Variants in TCF20 observed in about 807,000 individuals in gnomAD.
The protein encoded by TCF20 is transcription factor 20, also known as SPRE-binding protein.
TCF20 carries 3 observed loss-of-function variants against 148.6 expected under a neutral mutation model. That is an observed-to-expected ratio of 0.02 (90% confidence interval 0.01 to 0.05). TCF20 has a LOEUF of 0.05. Among genes scored for constraint, TCF20 ranks in the 10% least tolerant of loss-of-function variants. The pLI is 1.00. For synonymous variants in TCF20, 1,049 were observed against 909.5 expected (o/e 1.15, Z -2.76); for missense variants, 2,350 against 2,429.3 (o/e 0.97, Z 0.69).
chr22:42,282,856 C>G (rs86668), intron 1 of TCF20, among the ~76,000 whole-genome samples: 103,642 of 152,038 alleles, frequency 0.68, 35,756 homozygotes, highest in Non-Finnish European at 0.74. Context: ...AAAATAAATG[C>G]AAGAAGCACA....
chr22:42,173,718 T>A (rs548101935), intron 3 of TCF20, among the ~76,000 whole-genome samples: 1 of 152,210 alleles, frequency 6.6e-6, no homozygotes, highest in South Asian at 2.1e-4. Flanking sequence ...TGCAGGCCTC[T>A]GGGTCACTGT....
At chr22:42,277,328 G>A (rs1394120121) in intron 1 of TCF20, among the ~76,000 whole-genome samples, 1 of 152,208 alleles carries the variant, frequency 6.6e-6, no homozygotes, top group Admixed American at 6.5e-5. Context: ...AGTTTATGGT[G>A]CCATGGAGCT....
intron 2 of TCF20, among the ~76,000 whole-genome samples, chr22:42,181,801 AG>A (rs1936788905): frequency 6.6e-6 from 1 of 152,124 alleles, no homozygotes; most frequent in Non-Finnish European, 1.5e-5. Context: ...TTGTAGAGAC[AG>A]GGTCTCACTA....
intron 1 of TCF20, among the ~76,000 whole-genome samples, chr22:42,328,613 C>A (rs1927915584): frequency 6.6e-6 from 1 of 152,234 alleles, no homozygotes; most frequent in Non-Finnish European, 1.5e-5. Context: ...CTCCCACTCA[C>A]CCACGCCCTG....
intron 2 of TCF20, among the ~76,000 whole-genome samples, chr22:42,193,900 G>T (rs1937467151): frequency 6.6e-6 from 1 of 152,162 alleles, no homozygotes; most frequent in African/African-American, 2.4e-5. Context: ...TCTGGGCAGT[G>T]TGGTGGTCGT....
intron 1 of TCF20, among the ~76,000 whole-genome samples, chr22:42,260,158 C>A (rs1159328656): frequency 6.6e-6 from 1 of 151,968 alleles, no homozygotes; most frequent in African/African-American, 2.4e-5. Context: ...GCAGAGTGTT[C>A]CAGACACAGG....
Position 42,160,667 on chromosome 22 carries a change from T to C in TCF20, c.*736A>G, listed in dbSNP as rs1176052470. ...AAAAAAAAAAACCATAAATAAATAG[T>C]GTTTCTGGAAATGAAAAAAAATTTA... On this transcript the variant is annotated 3_prime_UTR_variant, in exon 6 of 6. Transcript: ENST00000677622. 6.6e-6 allele frequency: 1 copy of C among 152,098 alleles called. No homozygotes were observed. The highest frequency in any genetic ancestry group is 1.5e-5 in the Non-Finnish European group (1 of 67,938). 9.4% of individuals were successfully genotyped at this position (152,098 alleles called of 1,614,324 possible).
intron 2 of TCF20, among the ~76,000 whole-genome samples, chr22:42,207,204 G>T (rs974331129): frequency 1.3e-5 from 2 of 152,042 alleles, no homozygotes; most frequent in Non-Finnish European, 2.9e-5. Flanking sequence ...GAAAACAGGC[G>T]GGAGATTGTC....
intron 3 of TCF20, among the ~76,000 whole-genome samples, chr22:42,174,419 T>C (rs1936315015): frequency 6.6e-6 from 1 of 152,154 alleles, no homozygotes; most frequent in Admixed American, 6.5e-5. Context: ...AGGGGGGCCC[T>C]TGCTGAAGTG....
At position 42,299,188 on chromosome 22, in the gene TCF20, G is replaced by C. The variant is rs1927287774; in HGVS notation, c.-37+44291C>G. Reference sequence around the variant, plus strand: ...GGCCTTTAGAAGGCACGGGAGGATGGGGGCAAGGGGGCGGTAGGCAGACAG... The same window carrying C: ...GGCCTTTAGAAGGCACGGGAGGATGCGGGCAAGGGGGCGGTAGGCAGACAG... On this transcript the variant is annotated intron_variant, in intron 1 of 1. Coordinates refer to the TCF20 transcript ENST00000515426. The surrounding 1 kb of genome is among the most constrained non-coding windows in gnomAD (Gnocchi z 4.1). Among the ~76,000 whole-genome samples, 1 of 152,198 alleles carries C rather than the reference G, an allele frequency of 6.6e-6. No homozygotes were observed. Among genetic ancestry groups the C allele is most frequent in the South Asian group, 2.1e-4 (1 of 4,832 alleles).
chr22:42,214,151 G>T lies in TCF20; in HGVS notation c.1155C>A (p.Thr385=), dbSNP rs769415485. 3.7e-6 allele frequency: 6 copies of T among 1,614,038 alleles called. No individual in the cohort carries two copies. The African/African-American group carries it at 6.7e-5, about 18-fold the overall frequency. Residue 385 remains threonine, a synonymous_variant, in exon 2 of 6, where the codon ACC becomes ACA. Coordinates refer to ENST00000677622, the MANE Select transcript of TCF20 (RefSeq NM_001378418.1). ...SVVQSPSCSS[T]PSPLMQTGEN... ...CCCCAGTCTGCATGAGAGGAGATGGGGTAGAACTACAGCTTGGAGACTGAA... is the reference window on the plus strand; with the variant it reads ...CCCCAGTCTGCATGAGAGGAGATGGTGTAGAACTACAGCTTGGAGACTGAA...
At chr22:42,323,905 G>A (rs1354633489) in intron 1 of TCF20, among the ~76,000 whole-genome samples, 2 of 130,828 alleles carry the variant, frequency 1.5e-5, no homozygotes, top group African/African-American at 2.9e-5. Context: ...GGTGGTGGAG[G>A]TGGTGGTGGT....
At chr22:42,229,646 C>T (rs1224878435) in intron 1 of TCF20, among the ~76,000 whole-genome samples, 1 of 152,148 alleles carries the variant, frequency 6.6e-6, no homozygotes, top group Non-Finnish European at 1.5e-5. Flanking sequence ...CACTATTGGC[C>T]AAACCCACCA....
rs1431040217 is a variant in TCF20 at position 42,160,118 on chromosome 22, G to A, written c.*1285C>T. On this transcript the variant is annotated 3_prime_UTR_variant, in exon 6 of 6. Transcript: ENST00000677622. ...AAACAGCTATTTTATCCCCATGGCA[G>A]AGTGACCCCTGAAAGATGCACTAAC... is the stretch of plus-strand genomic sequence containing the variant. 3.3e-5 allele frequency: 5 copies of A among 152,428 alleles called. No individual in the cohort carries two copies. The highest frequency in any genetic ancestry group is 3.3e-4 in the Admixed American group (5 of 15,256). The allele number at this position is 152,428 out of a possible 1,614,324, so 9.4% of individuals were successfully genotyped here.
At chr22:42,247,117 G>A (rs1259547989) in intron 1 of TCF20, among the ~76,000 whole-genome samples, 3 of 151,988 alleles carry the variant, frequency 2.0e-5, no homozygotes, top group Non-Finnish European at 2.9e-5. Context: ...TAACATTTGA[G>A]AAAGGCCTTG....
At chr22:42,246,229 C>T (rs1361766745) in intron 1 of TCF20, among the ~76,000 whole-genome samples, 2 of 152,194 alleles carry the variant, frequency 1.3e-5, no homozygotes, top group African/African-American at 4.8e-5. Flanking sequence ...CCTCAGCCTC[C>T]GTGTAGCTGG....
chr22:42,181,171 G>A (rs1936754476), intron 2 of TCF20, among the ~76,000 whole-genome samples: 1 of 152,134 alleles, frequency 6.6e-6, no homozygotes, highest in Non-Finnish European at 1.5e-5. Flanking sequence ...TGGCCAACCT[G>A]CAGCCATGTC....
chr22:42,161,931 G>T (rs568306119), intron 5 of TCF20, among the ~76,000 whole-genome samples: 1 of 149,498 alleles, frequency 6.7e-6, no homozygotes, highest in African/African-American at 2.5e-5. Flanking sequence ...CCAAGTAGCT[G>T]GGACTACAGG....
intron 2 of TCF20, among the ~76,000 whole-genome samples, chr22:42,193,776 G>A (rs1373774051): frequency 6.6e-6 from 1 of 152,160 alleles, no homozygotes; most frequent in Non-Finnish European, 1.5e-5. Context: ...AACTCCTACA[G>A]ATGTCTGGAT....
Sources: allele counts gnomAD v4.1 joint callset (sites outside exome capture counted in the v4.1 genomes callset), GRCh38; gene constraint gnomAD v4.1.1; non-coding constraint Gnocchi (gnomAD v3.1); transcripts MANE v1.5; gene names NCBI Gene and HGNC (gene_info 2026-07-23, HGNC 2026-07-21).